GRM5: variants seen among roughly 807,000 people sequenced by gnomAD.
The protein encoded by GRM5 is glutamate metabotropic receptor 5, also known as metabotropic glutamate receptor 5.
A neutral mutation model predicts 83.1 loss-of-function variants in GRM5; 19 were observed. The ratio of observed to expected loss-of-function variants is 0.23; its 90% confidence interval spans 0.16 to 0.34. GRM5 has a LOEUF of 0.34. GRM5 is among the 10% of genes least tolerant of loss of function. GRM5 has a pLI of 1.00. For synonymous variants in GRM5, 675 were observed against 633.6 expected, an observed-to-expected ratio of 1.07 and a Z score of -0.98; for missense variants, 1,160 against 1,588.3, an observed-to-expected ratio of 0.73 and a Z score of 4.58.
At chr11:88,850,275 A>G in intron 2 of GRM5, 120 bp from the exon 3 acceptor site, 2 of 801,304 alleles carry the variant, frequency 2.5e-6, no homozygotes, top group South Asian at 1.7e-5. Context: ...TGCAACCTGA[A>G]GACCTGAATT....
chr11:88,865,077 C>T (rs1944639789), intron 2 of GRM5, among the ~76,000 whole-genome samples: 1 of 151,946 alleles, frequency 6.6e-6, no homozygotes, highest in Non-Finnish European at 1.5e-5. Context: ...AATAGGAAAA[C>T]ATTCCATGCT....
At chr11:88,579,872 G>A (rs1047702558) in intron 7 of GRM5, among the ~76,000 whole-genome samples, 2 of 152,192 alleles carry the variant, frequency 1.3e-5, no homozygotes, top group Non-Finnish European at 2.9e-5. Flanking sequence ...GTTGAGGAGA[G>A]ACTGTAAGTA....
intron 1 of GRM5, among the ~76,000 whole-genome samples, chr11:89,057,012 G>A (rs183139659): frequency 6.6e-6 from 1 of 152,176 alleles, no homozygotes; most frequent in Non-Finnish European, 1.5e-5. Context: ...GCCATAAATT[G>A]CAATCTACAC....
At chr11:88,555,752 T>C (rs1410539594) in intron 8 of GRM5, among the ~76,000 whole-genome samples, 5 of 152,138 alleles carry the variant, frequency 3.3e-5, no homozygotes, top group Non-Finnish European at 5.9e-5. Context: ...ACTATTTTCT[T>C]CAGTTGCTTT....
At chr11:88,696,936 C>T (rs1354631632) in intron 3 of GRM5, among the ~76,000 whole-genome samples, 1 of 152,080 alleles carries the variant, frequency 6.6e-6, no homozygotes, top group East Asian at 1.9e-4. Flanking sequence ...GAAGGTGATG[C>T]TGTATCTCTG....
At chr11:88,965,503 T>G (rs1938926931) in intron 2 of GRM5, among the ~76,000 whole-genome samples, 2 of 152,108 alleles carry the variant, frequency 1.3e-5, no homozygotes, top group Admixed American at 1.3e-4. Context: ...ACATAAACAT[T>G]CAGTCCATTG....
intron 3 of GRM5, among the ~76,000 whole-genome samples, chr11:88,755,955 A>C (rs1942385869): frequency 6.6e-6 from 1 of 152,104 alleles, no homozygotes; most frequent in Admixed American, 6.6e-5. Context: ...AACAAAAGCC[A>C]AAAAAATATG....
At chr11:88,745,515 TTACTC>T (rs746582531) in intron 3 of GRM5, among the ~76,000 whole-genome samples, 12 of 152,124 alleles carry the variant, frequency 7.9e-5, no homozygotes, top group African/African-American at 2.4e-5. Context: ...CTGATACTCT[TTACTC>T]TTCACTATAA....
intron 2 of GRM5, among the ~76,000 whole-genome samples, chr11:88,954,795 G>C (rs569633763): frequency 2.2e-4 from 34 of 152,272 alleles, no homozygotes; most frequent in African/African-American, 7.9e-4. Flanking sequence ...GCATGATAAA[G>C]TAGGCTGCTT....
chr11:88,883,989 A>T (rs1333202509), intron 2 of GRM5, among the ~76,000 whole-genome samples: 1 of 152,270 alleles, frequency 6.6e-6, no homozygotes, highest in African/African-American at 2.4e-5. Context: ...CTACAGCACT[A>T]TGGAAGGGAA....
intron 4 of GRM5, among the ~76,000 whole-genome samples, chr11:88,652,256 C>A (rs1939650773): frequency 6.6e-6 from 1 of 151,932 alleles, no homozygotes; most frequent in South Asian, 2.1e-4. Context: ...ATATGGGTTT[C>A]TTATAACACA....
At chr11:88,601,329 G>A (rs556261070) in intron 5 of GRM5, among the ~76,000 whole-genome samples, 4 of 152,022 alleles carry the variant, frequency 2.6e-5, no homozygotes, top group African/African-American at 4.8e-5. Context: ...TCTATTTACC[G>A]CATCTGTTTG....
intron 3 of GRM5, among the ~76,000 whole-genome samples, chr11:88,676,495 A>G (rs931404730): frequency 6.6e-6 from 1 of 152,088 alleles, no homozygotes; most frequent in Non-Finnish European, 1.5e-5. Context: ...GGCAAATAGT[A>G]AACATTGAAT....
At chr11:88,566,961 C>A in intron 8 of GRM5, 92 bp downstream of exon 8, 1 of 795,302 alleles carries the variant, frequency 1.3e-6, no homozygotes, top group Non-Finnish European at 2.0e-6. Context: ...GTTTCATTTA[C>A]CCAGATTTCT....
chr11:88,622,033 C>T (rs968170322), intron 4 of GRM5, among the ~76,000 whole-genome samples: 25 of 152,152 alleles, frequency 1.6e-4, no homozygotes, highest in African/African-American at 5.8e-4. Context: ...AGTGTAGTGG[C>T]TATTGTACCA....
chr11:88,921,379 T>A (rs1428632600), intron 2 of GRM5, among the ~76,000 whole-genome samples: 1 of 152,140 alleles, frequency 6.6e-6, no homozygotes, highest in Non-Finnish European at 1.5e-5. Context: ...ATCCTAGCAC[T>A]TTGGGAGGCC....
intron 2 of GRM5, among the ~76,000 whole-genome samples, chr11:88,928,739 C>T (rs1014572376): frequency 6.6e-6 from 1 of 151,786 alleles, no homozygotes; most frequent in African/African-American, 2.4e-5. Flanking sequence ...ATTAAATATT[C>T]CAAACGTGGG....
chr11:88,634,420 A>T (rs1939063039), intron 4 of GRM5, among the ~76,000 whole-genome samples: 1 of 152,046 alleles, frequency 6.6e-6, no homozygotes, highest in South Asian at 2.1e-4. Context: ...AGCTGCACAA[A>T]ATATTTTCTT....
chr11:88,993,064 AG>A (rs1940039881), intron 2 of GRM5, among the ~76,000 whole-genome samples: 1 of 151,322 alleles, frequency 6.6e-6, no homozygotes, highest in Non-Finnish European at 1.5e-5. Flanking sequence ...ATAAAAAAAA[AG>A]ATCATCCTAT....
Sources: gnomAD v4.1 joint callset for allele counts (sites outside exome capture counted in the v4.1 genomes callset) on GRCh38, gnomAD v4.1.1 for gene constraint, MANE v1.5 for transcripts, NCBI Gene and HGNC (gene_info 2026-07-23, HGNC 2026-07-21) for gene names.